The following NKAIN2 variants were observed in gnomAD, a reference collection of about 807,000 sequenced individuals.
The protein encoded by NKAIN2 is sodium/potassium-transporting ATPase subunit beta-1-interacting protein 2.
NKAIN2 carries 14 observed loss-of-function variants against 32.6 expected under a neutral mutation model. That is an observed-to-expected ratio of 0.43 (90% CI 0.28 to 0.67). The LOEUF (loss-of-function observed/expected upper bound fraction) is 0.67. Among genes scored for constraint, NKAIN2 ranks in the 30% least tolerant of loss-of-function variants. The pLI is 0.17. For synonymous variants in NKAIN2, 80 were observed against 87.2 expected (o/e 0.92, Z 0.46); for missense variants, 198 against 258.3 (o/e 0.77, Z 1.60).
At chr6:124,001,569 C>G (rs1000262276) in intron 1 of NKAIN2, among the ~76,000 whole-genome samples, 1 of 151,568 alleles carries the variant, frequency 6.6e-6, no homozygotes, top group Non-Finnish European at 1.5e-5. Flanking sequence ...TCATGTGTTT[C>G]CTAAAATACT....
At chr6:123,863,721 A>G (rs1348115513) in intron 1 of NKAIN2, among the ~76,000 whole-genome samples, 1 of 152,168 alleles carries the variant, frequency 6.6e-6, no homozygotes, top group Non-Finnish European at 1.5e-5. Flanking sequence ...CTAGGCCCAT[A>G]TGCTGCTCTT....
chr6:124,332,013 TA>T (rs1562494624), intron 2 of NKAIN2, among the ~76,000 whole-genome samples: 1 of 152,134 alleles, frequency 6.6e-6, no homozygotes, highest in African/African-American at 2.4e-5. Context: ...TAGGGTGATT[TA>T]AAAAACTAAA....
chr6:124,794,692 G>T (rs1779922276), intron 5 of NKAIN2, among the ~76,000 whole-genome samples: 1 of 152,132 alleles, frequency 6.6e-6, no homozygotes, highest in Non-Finnish European at 1.5e-5. Context: ...GTTCATTTGG[G>T]CTCGCTGTCT....
intron 1 of NKAIN2, among the ~76,000 whole-genome samples, chr6:123,967,686 A>G (rs1444587839): frequency 6.6e-6 from 1 of 152,084 alleles, no homozygotes; most frequent in Non-Finnish European, 1.5e-5. Context: ...GTGAAAAAAA[A>G]GGGGGGGAGT....
At chr6:124,763,891 C>T (rs545364004) in intron 4 of NKAIN2, among the ~76,000 whole-genome samples, 17 of 152,228 alleles carry the variant, frequency 1.1e-4, no homozygotes, top group African/African-American at 3.6e-4. Flanking sequence ...GCATTTGCTT[C>T]CCTCAAATGT....
intron 1 of NKAIN2, among the ~76,000 whole-genome samples, chr6:124,015,172 A>G (rs546761581): frequency 6.5e-4 from 99 of 152,192 alleles, no homozygotes; most frequent in Admixed American, 4.0e-3. Flanking sequence ...TAGAATGCAT[A>G]TTATATTTAT....
chr6:124,169,744 G>C (rs2114494114), intron 1 of NKAIN2, among the ~76,000 whole-genome samples: 1 of 152,166 alleles, frequency 6.6e-6, no homozygotes, highest in East Asian at 1.9e-4. Context: ...ACTTAGGATG[G>C]AAATCTTCTT....
chr6:124,781,190 CTG>C (rs1386655719), intron 4 of NKAIN2, among the ~76,000 whole-genome samples: 2 of 152,022 alleles, frequency 1.3e-5, no homozygotes, highest in African/African-American at 2.4e-5. Flanking sequence ...ACTAAGAAGA[CTG>C]TGTGAAAATG....
intron 5 of NKAIN2, among the ~76,000 whole-genome samples, chr6:124,816,175 G>A (rs1242256615): frequency 6.6e-6 from 1 of 152,122 alleles, no homozygotes; most frequent in Non-Finnish European, 1.5e-5. Flanking sequence ...GGTGAAAGAA[G>A]CCAGCCAGAA....
At chr6:124,694,750 C>T (rs1260825711) in intron 4 of NKAIN2, among the ~76,000 whole-genome samples, 1 of 152,160 alleles carries the variant, frequency 6.6e-6, no homozygotes, top group Non-Finnish European at 1.5e-5. Context: ...ATAGTTTAAT[C>T]TAGTCACTTT....
intron 2 of NKAIN2, among the ~76,000 whole-genome samples, chr6:124,338,681 T>C (rs1797985775): frequency 6.6e-6 from 1 of 152,158 alleles, no homozygotes; most frequent in African/African-American, 2.4e-5. Context: ...ATGTTGGAAA[T>C]ACACTGAGAA....
chr6:124,177,470 T>C (rs2114527084), intron 1 of NKAIN2, among the ~76,000 whole-genome samples: 1 of 152,262 alleles, frequency 6.6e-6, no homozygotes, highest in Admixed American at 6.5e-5. Flanking sequence ...TCAGAACCCC[T>C]CATTAAAACA....
chr6:124,008,732 C>G (rs191662891), intron 1 of NKAIN2, among the ~76,000 whole-genome samples: 1 of 152,154 alleles, frequency 6.6e-6, no homozygotes, highest in Non-Finnish European at 1.5e-5. Context: ...TGTTTGTCAT[C>G]GTGATAAGTG....
chr6:123,945,571 A>C (rs1188811778), intron 1 of NKAIN2, among the ~76,000 whole-genome samples: 2 of 152,072 alleles, frequency 1.3e-5, no homozygotes, highest in Non-Finnish European at 2.9e-5. Flanking sequence ...TGTTTCTTAA[A>C]TCTGGCAGTA....
intron 3 of NKAIN2, among the ~76,000 whole-genome samples, chr6:124,433,853 C>A (rs1775323377): frequency 6.6e-6 from 1 of 152,080 alleles, no homozygotes; most frequent in South Asian, 2.1e-4. Flanking sequence ...GAAAAATGAC[C>A]ACTTGTAAAC....
intron 1 of NKAIN2, among the ~76,000 whole-genome samples, chr6:124,190,166 C>T (rs777492566): frequency 1.4e-4 from 21 of 152,318 alleles, no homozygotes; most frequent in Non-Finnish European, 2.1e-4. Flanking sequence ...GAGGCCACCT[C>T]TAATGTTAAG....
At chr6:124,019,807 A>G (rs1456866458) in intron 1 of NKAIN2, among the ~76,000 whole-genome samples, 1 of 152,120 alleles carries the variant, frequency 6.6e-6, no homozygotes, top group Non-Finnish European at 1.5e-5. Flanking sequence ...TCTTGACATG[A>G]TCCCCATCCT....
intron 3 of NKAIN2, among the ~76,000 whole-genome samples, chr6:124,381,265 CAG>C (rs5879730): frequency 0.3 from 46,122 of 151,860 alleles, 7,857 homozygotes; most frequent in South Asian, 0.44. Flanking sequence ...GTTAACATAG[CAG>C]AGTTATTACT....
At chr6:124,142,113 C>G (rs1009565976) in intron 1 of NKAIN2, among the ~76,000 whole-genome samples, 2 of 152,112 alleles carry the variant, frequency 1.3e-5, no homozygotes, top group Non-Finnish European at 2.9e-5. Context: ...GGGATGTATA[C>G]TAGGGTTGCA....
Sources: gnomAD v4.1 joint callset for allele counts (sites outside exome capture counted in the v4.1 genomes callset) on GRCh38, gnomAD v4.1.1 for gene constraint, MANE v1.5 for transcripts, NCBI Gene and HGNC (gene_info 2026-07-23, HGNC 2026-07-21) for gene names.